Variants in KLHL1 observed in about 807,000 individuals in gnomAD.
KLHL1 encodes the protein kelch-like protein 1.
A neutral mutation model predicts 77.7 loss-of-function variants in KLHL1; 47 were observed. The observed-to-expected ratio is 0.60, with a 90% CI of 0.48 to 0.77. The LOEUF (loss-of-function observed/expected upper bound fraction) is 0.77, where lower values mean the gene tolerates loss of function less well. Among genes scored for constraint, KLHL1 ranks in the 30% least tolerant of loss-of-function variants. The probability of loss-of-function intolerance (pLI) is 0.00; values close to 1 mark genes in which losing one functional copy is unlikely to be tolerated. For missense variants in KLHL1, 925 were observed against 910.8 expected (o/e 1.02, Z -0.20); for synonymous variants, 360 against 325.2 (o/e 1.11, Z -1.15).
At chr13:69,765,731 C>T (rs148309077) in intron 7 of KLHL1, among the ~76,000 whole-genome samples, 1 of 152,264 alleles carries the variant, frequency 6.6e-6, no homozygotes, top group Non-Finnish European at 1.5e-5. Flanking sequence ...CAGAGGTATA[C>T]TTTGGAATGC....
At chr13:69,899,945 G>C (rs1261979339) in intron 4 of KLHL1, among the ~76,000 whole-genome samples, 2 of 152,018 alleles carry the variant, frequency 1.3e-5, no homozygotes, top group African/African-American at 4.8e-5. Flanking sequence ...CAGCAAAATA[G>C]AAGTTATGAA....
intron 4 of KLHL1, among the ~76,000 whole-genome samples, chr13:69,934,382 A>G (rs1883101939): frequency 1.3e-5 from 2 of 152,074 alleles, no homozygotes; most frequent in South Asian, 4.1e-4. Context: ...ATTTACCTAT[A>G]TGTATACACA....
At chr13:70,023,452 C>T (rs780613187) in intron 1 of KLHL1, among the ~76,000 whole-genome samples, 3 of 151,910 alleles carry the variant, frequency 2.0e-5, no homozygotes, top group African/African-American at 4.8e-5. Context: ...ATACTATTTT[C>T]ACCACCAATA....
chr13:69,924,086 G>A (rs995332397), intron 4 of KLHL1, among the ~76,000 whole-genome samples: 17 of 152,294 alleles, frequency 1.1e-4, no homozygotes, highest in East Asian at 5.8e-4. Flanking sequence ...CTGCTGCCTC[G>A]ACCCCCTCTG....
At chr13:70,043,587 T>G (rs1032325118) in intron 1 of KLHL1, among the ~76,000 whole-genome samples, 8 of 152,154 alleles carry the variant, frequency 5.3e-5, no homozygotes, top group Non-Finnish European at 1.2e-4. Context: ...AGGTATACCA[T>G]TTTTTATCTT....
chr13:69,739,237 G>T (rs1027532028), intron 8 of KLHL1, among the ~76,000 whole-genome samples: 2 of 152,148 alleles, frequency 1.3e-5, no homozygotes, highest in South Asian at 2.1e-4. Context: ...TGCTTTGCAA[G>T]AGCTCCTGAA....
At chr13:69,724,755 A>C (rs543288542) in intron 8 of KLHL1, among the ~76,000 whole-genome samples, 1 of 152,264 alleles carries the variant, frequency 6.6e-6, no homozygotes, top group South Asian at 2.1e-4. Context: ...TGATCATCTC[A>C]ATAGATGCAG....
At chr13:69,890,128 A>C (rs1881371373) in intron 4 of KLHL1, among the ~76,000 whole-genome samples, 1 of 152,090 alleles carries the variant, frequency 6.6e-6, no homozygotes, top group African/African-American at 2.4e-5. Context: ...TAAAATAATT[A>C]CATTCATTTT....
chr13:69,931,286 T>C (rs142527920), intron 4 of KLHL1, among the ~76,000 whole-genome samples: 34 of 151,904 alleles, frequency 2.2e-4, no homozygotes, highest in Non-Finnish European at 4.4e-4. Flanking sequence ...TTACTATTGG[T>C]GAAATAGTTC....
At chr13:69,758,968 T>C (rs1193512320) in intron 7 of KLHL1, among the ~76,000 whole-genome samples, 5 of 152,086 alleles carry the variant, frequency 3.3e-5, no homozygotes, top group Non-Finnish European at 7.4e-5. Context: ...CTCCCTAATG[T>C]TCCCCCCAGG....
In KLHL1 at chr13:69,707,763, C is replaced by T; in HGVS notation, c.2049G>A (p.Val683=). ...CATCTCTGGGCATACTCAAAGGAGC[C>T]ACCATGGTCCAAGTGTCTGTTTTGG... ...YDPKTDTWTM[V]APLSMPRDAV... The change falls in exon 10 of 11, where the codon GTG becomes GTA. Residue 683 remains valine (V), a synonymous_variant. Coordinates refer to ENST00000377844, the MANE Select transcript of KLHL1 (RefSeq NM_020866.3). 1.2e-6 allele frequency: 2 copies of T among 1,612,684 alleles called. No homozygotes were observed. The highest frequency in any genetic ancestry group is 1.3e-5 in the African/African-American group (1 of 74,928).
At chr13:70,088,329 C>T (rs140938976) in intron 1 of KLHL1, among the ~76,000 whole-genome samples, 188 of 152,150 alleles carry the variant, frequency 1.2e-3, no homozygotes, top group African/African-American at 4.2e-3. Flanking sequence ...ATGATCCTTC[C>T]TCATAGGAGA....
At position 69,738,002 on chromosome 13, in the gene KLHL1, G is replaced by C. The variant is rs142274161; in HGVS notation, c.1802+2392C>G. ...CAGTGTTCAGGCTGGCATCAGGTTG[G>C]TGCCCCTCTGAGACAGAGCTCCATG... On this transcript the variant is annotated intron_variant, in intron 8 of 10. Transcript: ENST00000377844. Among the ~76,000 whole-genome samples the C allele has an allele frequency of 7.4e-3, 1,123 of 152,182 alleles. 62 individuals carry two copies. The highest frequency in any genetic ancestry group is 0.066 in the Admixed American group (1,009 of 15,266).
chr13:69,899,410 T>C (rs145000923), intron 4 of KLHL1, among the ~76,000 whole-genome samples: 153 of 152,278 alleles, frequency 1.0e-3, no homozygotes, highest in African/African-American at 3.4e-3. Context: ...TGTGGCAAGG[T>C]CATCCTCTGC....
At chr13:69,737,510 T>C (rs1308101942) in intron 8 of KLHL1, among the ~76,000 whole-genome samples, 1 of 152,198 alleles carries the variant, frequency 6.6e-6, no homozygotes, top group East Asian at 1.9e-4. Flanking sequence ...GAAGGGCTGC[T>C]GCCATCACTG....
chr13:70,049,149 T>A (rs1593702605), intron 1 of KLHL1, among the ~76,000 whole-genome samples: 1 of 152,132 alleles, frequency 6.6e-6, no homozygotes, highest in East Asian at 1.9e-4. Flanking sequence ...ATAACTTTGT[T>A]TCCTGGAAGA....
rs941214895 is a variant in KLHL1 at position 69,701,609 on chromosome 13, G to C, written c.*93C>G. On this transcript the variant is annotated 3_prime_UTR_variant, in exon 11 of 11. Coordinates refer to ENST00000377844, the MANE Select transcript of KLHL1 (RefSeq NM_020866.3). Reference sequence around the variant, plus strand: ...CGCTACAGAGATCCTTGTTCTTGAAGAGTTTTCATCTCTGGAAGTTCTCAT... The same window carrying C: ...CGCTACAGAGATCCTTGTTCTTGAACAGTTTTCATCTCTGGAAGTTCTCAT... 1 of 835,192 alleles carries C rather than the reference G, an allele frequency of 1.2e-6. No individual in the cohort carries two copies. The highest frequency in any genetic ancestry group is 1.8e-5 in the African/African-American group (1 of 57,030). 51.7% of individuals were successfully genotyped at this position (835,192 alleles called of 1,614,324 possible).
intron 1 of KLHL1, among the ~76,000 whole-genome samples, chr13:70,094,408 T>TATATATATATATATATATATATATATA (rs1181654185): frequency 4.6e-5 from 7 of 150,826 alleles, no homozygotes; most frequent in African/African-American, 1.7e-4. Flanking sequence ...TATATATATA[T>TATATATATATATATATATATATATATA]ATGAATATAT....
chr13:69,844,649 A>G lies in KLHL1; in HGVS notation c.1228-5487T>C, dbSNP rs1452442041. On this transcript the variant is annotated intron_variant, in intron 5 of 10. Transcript: ENST00000377844. ...CAGCCCATAACAGATCCTACTAGGT[A>G]CAATTTGATCATAATTTTATTATGA... Among the ~76,000 whole-genome samples the G allele has an allele frequency of 2.6e-5, 4 of 151,662 alleles. No homozygotes were observed. The Admixed American group carries it at 2.6e-4, about 10-fold the overall frequency.
Sources: allele counts gnomAD v4.1 joint callset (sites outside exome capture counted in the v4.1 genomes callset), GRCh38; gene constraint gnomAD v4.1.1; transcripts MANE v1.5; gene names NCBI Gene and HGNC (gene_info 2026-07-23, HGNC 2026-07-21).